The following ADAMTS6 variants were observed in gnomAD, a reference collection of about 807,000 sequenced individuals.
ADAMTS6 encodes A disintegrin and metalloproteinase with thrombospondin motifs 6.
ADAMTS6 carries 23 observed loss-of-function variants against 144.3 expected under a neutral mutation model. That is an observed-to-expected ratio of 0.16 (90% CI 0.11 to 0.23). The LOEUF (loss-of-function observed/expected upper bound fraction) is 0.23, where lower values mean the gene tolerates loss of function less well. Ranked by LOEUF, ADAMTS6 falls within the 10% of genes least tolerant of loss-of-function variation. ADAMTS6 has a pLI of 1.00. For synonymous variants in ADAMTS6, 444 were observed against 457.5 expected, an observed-to-expected ratio of 0.97 and a Z score of 0.38; for missense variants, 999 against 1,379.6, an observed-to-expected ratio of 0.72 and a Z score of 4.37.
At chr5:65,315,361 T>C (rs1220177300) in intron 9 of ADAMTS6, among the ~76,000 whole-genome samples, 1 of 151,984 alleles carries the variant, frequency 6.6e-6, no homozygotes, top group Non-Finnish European at 1.5e-5. Context: ...GGAAGTATAA[T>C]TGATATGCTA....
chr5:65,452,699 A>G lies in ADAMTS6; in HGVS notation c.843+8T>C. 1.2e-6 allele frequency: 2 copies of G among 1,613,744 alleles called. No individual in the cohort carries two copies. Among genetic ancestry groups the G allele is most frequent in the Non-Finnish European group, 1.7e-6 (2 of 1,179,708 alleles). ...AAGTAAAATATTATATAGAGGGATC[A>G]AACTTACAATATTCATCACACTCAA... On this transcript the variant is annotated splice_region_variant and intron_variant, in intron 5 of 24. Transcript: ENST00000381055.
At chr5:65,254,710 A>G (rs1760499546) in intron 14 of ADAMTS6, among the ~76,000 whole-genome samples, 1 of 152,238 alleles carries the variant, frequency 6.6e-6, no homozygotes, top group South Asian at 2.1e-4. Context: ...ATATTATTTA[A>G]TATCACAAAA....
intron 24 of ADAMTS6, among the ~76,000 whole-genome samples, chr5:65,164,369 C>T (rs951577161): frequency 6.6e-6 from 1 of 152,050 alleles, no homozygotes; most frequent in East Asian, 1.9e-4. Context: ...GCACCTGGCT[C>T]GGAGGGTCCT....
At chr5:65,152,522 C>T (rs1752192966) in intron 24 of ADAMTS6, among the ~76,000 whole-genome samples, 2 of 152,204 alleles carry the variant, frequency 1.3e-5, no homozygotes, top group Non-Finnish European at 1.5e-5. Flanking sequence ...CCTCAAATGG[C>T]AGCAGTCTGT....
At chr5:65,413,985 G>A (rs976358267) in intron 7 of ADAMTS6, among the ~76,000 whole-genome samples, 2 of 152,132 alleles carry the variant, frequency 1.3e-5, no homozygotes, top group Non-Finnish European at 2.9e-5. Context: ...CTGAGAAACA[G>A]CAGGCATGAA....
intron 14 of ADAMTS6, among the ~76,000 whole-genome samples, chr5:65,258,755 G>C (rs1273886180): frequency 6.6e-6 from 1 of 152,202 alleles, no homozygotes; most frequent in Non-Finnish European, 1.5e-5. Flanking sequence ...TTTGGTGTAA[G>C]CCAAATGGAG....
chr5:65,291,585 A>C, intron 10 of ADAMTS6, 115 bp from the exon 11 acceptor site: 1 of 1,081,404 alleles, frequency 9.2e-7, no homozygotes, highest in Non-Finnish European at 1.3e-6. Context: ...AAAACAATAC[A>C]TTCTCCCAAT....
chr5:65,197,943 T>C (rs1012001809), intron 20 of ADAMTS6, among the ~76,000 whole-genome samples: 1 of 152,198 alleles, frequency 6.6e-6, no homozygotes, highest in African/African-American at 2.4e-5. Context: ...CACCATAACT[T>C]GCTCACATTT....
At chr5:65,359,516 G>A (rs1375704033) in intron 7 of ADAMTS6, among the ~76,000 whole-genome samples, 1 of 152,124 alleles carries the variant, frequency 6.6e-6, no homozygotes, top group Non-Finnish European at 1.5e-5. Context: ...TTTTAAAATT[G>A]TAACTACCAT....
chr5:65,215,210 CT>C, intron 19 of ADAMTS6, 113 bp downstream of exon 19: 1 of 1,266,504 alleles, frequency 7.9e-7, no homozygotes, highest in Middle Eastern at 1.9e-4. Context: ...ATCATTTTAT[CT>C]TTATTTACCT....
At chr5:65,219,674 T>A (rs1757173777) in intron 18 of ADAMTS6, among the ~76,000 whole-genome samples, 1 of 152,120 alleles carries the variant, frequency 6.6e-6, no homozygotes. Context: ...TCCTGAGTGG[T>A]TGGAATTACA....
intron 7 of ADAMTS6, among the ~76,000 whole-genome samples, chr5:65,419,857 G>A (rs1333410128): frequency 2.0e-5 from 3 of 152,158 alleles, no homozygotes; most frequent in African/African-American, 7.2e-5. Flanking sequence ...GACAACAAAT[G>A]GGCACAAGGT....
chr5:65,242,855 T>C (rs1039814424), intron 14 of ADAMTS6, among the ~76,000 whole-genome samples: 1 of 152,084 alleles, frequency 6.6e-6, no homozygotes, highest in Admixed American at 6.6e-5. Flanking sequence ...GTACATTTGT[T>C]TGAGGTGTGG....
chr5:65,288,924 T>C (rs979013253), intron 11 of ADAMTS6, among the ~76,000 whole-genome samples: 1 of 152,156 alleles, frequency 6.6e-6, no homozygotes, highest in African/African-American at 2.4e-5. Flanking sequence ...TTTAAAACCT[T>C]AGGGATTCAC....
intron 7 of ADAMTS6, among the ~76,000 whole-genome samples, chr5:65,340,810 C>A (rs1747748908): frequency 6.6e-6 from 1 of 151,682 alleles, no homozygotes; most frequent in Non-Finnish European, 1.5e-5. Context: ...TCAGATAAAA[C>A]AAACTTGAAA....
Position 65,452,844 on chromosome 5 carries a change from T to C in ADAMTS6, c.706A>G (p.Thr236Ala). 1.2e-6 allele frequency: 2 copies of C among 1,614,092 alleles called. No homozygotes were observed. The highest frequency in any genetic ancestry group is 1.7e-6 in the Non-Finnish European group (2 of 1,179,956). The change falls in exon 5 of 25, where the codon ACA becomes GCA. Residue 236 changes from threonine (T) to alanine (A), a missense_variant. Physicochemically the swap from Thr to Ala is moderately conservative, Grantham distance 58. This residue lies in a region of ADAMTS6 where 252 missense variants were observed against 293.7 expected (regional missense o/e 0.86). Coordinates refer to ENST00000381055, the MANE Select transcript of ADAMTS6 (RefSeq NM_197941.4). Reference protein sequence around the residue: ...TVSYSLPINNTHIHHRQKRSV... With the variant: ...TVSYSLPINNAHIHHRQKRSV... ...CTCTTCTGTCTGTGGTGGATATGTG[T>C]GTTGTTAATTGGTAGTGAATAAGAA... is the stretch of plus-strand genomic sequence containing the variant.
At chr5:65,171,452 A>G (rs1482029609) in intron 23 of ADAMTS6, among the ~76,000 whole-genome samples, 1 of 152,214 alleles carries the variant, frequency 6.6e-6, no homozygotes, top group Non-Finnish European at 1.5e-5. Flanking sequence ...AGAAGATAAT[A>G]CATAGAGATT....
At chr5:65,208,836 T>C (rs921847757) in intron 20 of ADAMTS6, among the ~76,000 whole-genome samples, 1 of 152,238 alleles carries the variant, frequency 6.6e-6, no homozygotes, top group Admixed American at 6.5e-5. Flanking sequence ...CTCTGTTTAG[T>C]GGGCATTTAC....
rs1760614236 is a variant in ADAMTS6 at position 65,473,412 on chromosome 5, T to C, written c.97+165A>G. ...CTAGTAGGACAAGTTAAACGACGCA[T>C]AGCCCTTAACATTTATGAAACTAAT... On this transcript the variant is annotated intron_variant, in intron 2 of 24. Coordinates refer to ENST00000381055, the MANE Select transcript of ADAMTS6 (RefSeq NM_197941.4). 3.3e-5 allele frequency among the ~76,000 whole-genome samples: 5 copies of C among 152,246 alleles called. No individual in the cohort carries two copies. In the South Asian group the frequency reaches 1.0e-3, roughly 32 times the overall value.
Sources: gnomAD v4.1 joint callset for allele counts (sites outside exome capture counted in the v4.1 genomes callset) on GRCh38, gnomAD v4.1.1 for gene constraint, gnomAD v4.1.1 regional missense constraint, MANE v1.5 for transcripts, NCBI Gene and HGNC (gene_info 2026-07-23, HGNC 2026-07-21) for gene names.